NF1: variants seen among roughly 807,000 people sequenced by gnomAD.
NF1 encodes neurofibromin.
In NF1, 122 loss-of-function variants were observed where a neutral mutation model predicts 325.7. The ratio of observed to expected loss-of-function variants is 0.37; its 90% CI spans 0.32 to 0.44. The LOEUF (loss-of-function observed/expected upper bound fraction) is 0.44, where lower values mean the gene tolerates loss of function less well. Ranked by LOEUF, NF1 falls within the 20% of genes least tolerant of loss-of-function variation. The probability of loss-of-function intolerance (pLI) is 1.00; values close to 1 mark genes in which losing one functional copy is unlikely to be tolerated. For missense variants in NF1, 2,140 were observed against 3,415.4 expected, an observed-to-expected ratio of 0.63 and a Z score of 9.31; for synonymous variants, 1,091 against 1,186.0, an observed-to-expected ratio of 0.92 and a Z score of 1.65.
intron 1 of NF1, among the ~76,000 whole-genome samples, chr17:31,123,478 G>A (rs1567799924): frequency 6.6e-6 from 1 of 152,112 alleles, no homozygotes; most frequent in Admixed American, 6.5e-5. Flanking sequence ...TAGAGACAGG[G>A]TCTGTCTCTG....
intron 12 of NF1, among the ~76,000 whole-genome samples, chr17:31,210,567 C>T (rs780613321): frequency 6.6e-5 from 10 of 152,178 alleles, no homozygotes; most frequent in Admixed American, 5.9e-4. Context: ...GCCTGGGCAA[C>T]GGAGCGAGAC....
chr17:31,136,296 T>G (rs1231581143), intron 1 of NF1: 1 of 122,544 alleles, frequency 8.2e-6, no homozygotes, highest in Non-Finnish European at 1.6e-5. Flanking sequence ...GCCACTGCAC[T>G]CCAGCCTGGG....
At chr17:31,304,435 A>G (rs770052850) in intron 36 of NF1, 10 of 1,614,054 alleles carry the variant, frequency 6.2e-6, no homozygotes, top group Non-Finnish European at 8.5e-6. Context: ...AAATGATTGT[A>G]TTATCTCAGA....
chr17:31,200,898 G>A, intron 9 of NF1, 139 bp from the exon 10 acceptor site: 2 of 1,190,484 alleles, frequency 1.7e-6, no homozygotes, highest in African/African-American at 1.5e-5. Context: ...ATGAACCACA[G>A]TATGGGTGCT....
rs369168102 is a variant in NF1, at chr17:31,350,167, A to G, written c.7322-16A>G. The stretch of plus-strand genomic sequence containing the variant: ...GATTTGTTAAATTTTTTAACCTGCC[A>G]CCGTTTTCCTTTTAGCTTTACTTAC... On this transcript the variant is annotated splice_polypyrimidine_tract_variant and intron_variant, in intron 49 of 57. Coordinates refer to ENST00000358273, the MANE Select transcript of NF1 (RefSeq NM_001042492.3). 583 of 1,613,830 alleles carry G rather than the reference A, an allele frequency of 3.6e-4. No homozygotes were observed. The highest frequency in any genetic ancestry group is 4.8e-4 in the Non-Finnish European group (566 of 1,179,796).
At chr17:31,328,934 A>T (rs2069413887) in intron 38 of NF1, among the ~76,000 whole-genome samples, 1 of 152,166 alleles carries the variant, frequency 6.6e-6, no homozygotes, top group Non-Finnish European at 1.5e-5. Context: ...GAGGAAGTCC[A>T]ATTCTTTATA....
At chr17:31,277,105 A>C (rs1210469080) in intron 36 of NF1, among the ~76,000 whole-genome samples, 1 of 152,198 alleles carries the variant, frequency 6.6e-6, no homozygotes, top group Non-Finnish European at 1.5e-5. Flanking sequence ...CTCTGAGTGG[A>C]AGTGGATTAT....
At chr17:31,264,335 C>T (rs1432992611) in intron 35 of NF1, among the ~76,000 whole-genome samples, 11 of 151,212 alleles carry the variant, frequency 7.3e-5, no homozygotes, top group Non-Finnish European at 1.3e-4. Context: ...CATTTGAACC[C>T]GGGAGGCAGA....
intron 36 of NF1, among the ~76,000 whole-genome samples, chr17:31,290,992 C>G (rs1168196347): frequency 6.7e-6 from 1 of 148,912 alleles, no homozygotes; most frequent in Admixed American, 6.7e-5. Context: ...AGTGACAGAG[C>G]AAGACTCTGT....
intron 10 of NF1, 51 bp downstream of exon 10, chr17:31,201,210 T>C: frequency 6.2e-7 from 1 of 1,608,582 alleles, no homozygotes. Context: ...TGTTATCCTT[T>C]ATAAACAAAA....
At chr17:31,301,274 C>A (rs1440998009) in intron 36 of NF1, among the ~76,000 whole-genome samples, 2 of 152,054 alleles carry the variant, frequency 1.3e-5, no homozygotes, top group East Asian at 3.8e-4. Context: ...ATATTTTCTT[C>A]TATTACTTGT....
chr17:31,320,543 A>C (rs2151530205), intron 36 of NF1: 1 of 914,222 alleles, frequency 1.1e-6, no homozygotes, highest in Middle Eastern at 2.2e-4. Context: ...GAAAATAAGA[A>C]ATGTGATACG....
chr17:31,122,786 AG>A (rs1914547001), intron 1 of NF1, among the ~76,000 whole-genome samples: 1 of 152,194 alleles, frequency 6.6e-6, no homozygotes, highest in Admixed American at 6.5e-5. Context: ...TTTGGTATGG[AG>A]AAGAAATGGT....
chr17:31,179,737 C>G (rs2066090513), intron 5 of NF1, among the ~76,000 whole-genome samples: 1 of 151,066 alleles, frequency 6.6e-6, no homozygotes, highest in Non-Finnish European at 1.5e-5. Context: ...GAGCCAGGAT[C>G]GTGCAACTGC....
intron 1 of NF1, among the ~76,000 whole-genome samples, chr17:31,117,602 G>A (rs965396400): frequency 5.5e-5 from 8 of 144,286 alleles, no homozygotes; most frequent in Non-Finnish European, 7.5e-5. Flanking sequence ...GAACACGGGA[G>A]GCGGAGCTTG....
intron 3 of NF1, 63 bp downstream of exon 3, chr17:31,159,156 C>A (rs547138786): frequency 1.8e-6 from 2 of 1,139,288 alleles, no homozygotes; most frequent in Non-Finnish European, 2.7e-6. Context: ...GATCTTATGT[C>A]CCAAAGTACA....
intron 50 of NF1, among the ~76,000 whole-genome samples, chr17:31,351,861 T>G (rs560866430): frequency 1.2e-4 from 16 of 138,936 alleles, no homozygotes; most frequent in African/African-American, 1.6e-4. Context: ...TTTTTTGGGG[T>G]TTTTTTTTTT....
chr17:31,113,610 G>C (rs181015147), intron 1 of NF1, among the ~76,000 whole-genome samples: 169 of 152,244 alleles, frequency 1.1e-3, no homozygotes, highest in African/African-American at 3.9e-3. Flanking sequence ...GCTTACTGCA[G>C]CCTTGACCTC....
At chr17:31,230,056 T>C (rs1303730515) in intron 22 of NF1, 82 bp downstream of exon 22, 1 of 1,550,922 alleles carries the variant, frequency 6.4e-7, no homozygotes, top group Non-Finnish European at 8.9e-7. Context: ...TAGTAATTGA[T>C]AAAATAACTG....
Sources: allele counts gnomAD v4.1 joint callset (sites outside exome capture counted in the v4.1 genomes callset), GRCh38; gene constraint gnomAD v4.1.1; transcripts MANE v1.5; gene names NCBI Gene and HGNC (gene_info 2026-07-23, HGNC 2026-07-21).